COL5A2: variants seen among roughly 807,000 people sequenced by gnomAD.
The protein encoded by COL5A2 is collagen alpha-2(V) chain.
A neutral mutation model predicts 208.2 loss-of-function variants in COL5A2; 23 were observed. The ratio of observed to expected loss-of-function variants is 0.11; its 90% CI spans 0.08 to 0.16. The LOEUF (loss-of-function observed/expected upper bound fraction) is 0.16, where lower values mean the gene tolerates loss of function less well. COL5A2 is among the 10% of genes least tolerant of loss of function. COL5A2 has a pLI of 1.00. For missense variants in COL5A2, 1,590 were observed against 1,956.4 expected (o/e 0.81, Z 3.53); for synonymous variants, 625 against 628.5 (o/e 0.99, Z 0.08).
intron 2 of COL5A2, among the ~76,000 whole-genome samples, chr2:189,109,056 G>A (rs1170818678): frequency 2.0e-5 from 3 of 149,912 alleles, no homozygotes; most frequent in African/African-American, 4.9e-5. Flanking sequence ...GTGTTATCTC[G>A]TAAATTTAGC....
At chr2:189,344,220 C>T in the COL5A2 span, among the ~76,000 whole-genome samples, 1,906 of 152,266 alleles carry the variant, frequency 0.013, 34 homozygotes, top group African/African-American at 0.044. Flanking sequence ...CATGGCTAAA[C>T]TTTGCCCCAA....
chr2:189,117,272 C>A (rs192079723), intron 1 of COL5A2, among the ~76,000 whole-genome samples: 1 of 152,114 alleles, frequency 6.6e-6, no homozygotes, highest in East Asian at 1.9e-4. Flanking sequence ...TTTTTTTTCC[C>A]ACATACCTCA....
chr2:189,040,901 C>A (rs1685547291), intron 50 of COL5A2, among the ~76,000 whole-genome samples: 1 of 152,056 alleles, frequency 6.6e-6, no homozygotes, highest in Non-Finnish European at 1.5e-5. Flanking sequence ...ATTTGATCCA[C>A]ATAAGAAGTA....
intron 16 of COL5A2, 69 bp downstream of exon 16, chr2:189,078,447 A>G (rs1686459411): frequency 2.3e-6 from 3 of 1,296,178 alleles, no homozygotes; most frequent in Non-Finnish European, 3.4e-6. Flanking sequence ...AGGCAAGTTC[A>G]GTAAACCAAA....
At chr2:189,284,188 T>C in the COL5A2 span, among the ~76,000 whole-genome samples, 1 of 152,154 alleles carries the variant, frequency 6.6e-6, no homozygotes, top group Non-Finnish European at 1.5e-5. Flanking sequence ...AAAACAAAAG[T>C]GTTTTAATTC....
intron 1 of COL5A2, among the ~76,000 whole-genome samples, chr2:189,112,431 G>T (rs1687302385): frequency 6.6e-6 from 1 of 152,038 alleles, no homozygotes; most frequent in Non-Finnish European, 1.5e-5. Context: ...ACAAAAATCT[G>T]CTTTATATAA....
intron 1 of COL5A2, among the ~76,000 whole-genome samples, chr2:189,178,289 T>C (rs1185084622): frequency 6.6e-6 from 1 of 152,166 alleles, no homozygotes; most frequent in East Asian, 1.9e-4. Context: ...TTAAGCTTTT[T>C]AGAACTTCTG....
At chr2:189,399,245 T>C in the COL5A2 span, among the ~76,000 whole-genome samples, 3 of 144,854 alleles carry the variant, frequency 2.1e-5, no homozygotes, top group Non-Finnish European at 3.0e-5. Flanking sequence ...AAAATATTTA[T>C]TTTACGATTT....
chr2:189,129,399 A>T (rs1687668384), intron 1 of COL5A2, among the ~76,000 whole-genome samples: 1 of 152,066 alleles, frequency 6.6e-6, no homozygotes, highest in Non-Finnish European at 1.5e-5. Flanking sequence ...AAATGTTTGA[A>T]AACTGATTTT....
At chr2:189,350,281 A>T in the COL5A2 span, among the ~76,000 whole-genome samples, 1 of 152,182 alleles carries the variant, frequency 6.6e-6, no homozygotes, top group Non-Finnish European at 1.5e-5. Context: ...AAAGACACAG[A>T]AGTACTGGAA....
At chr2:189,155,809 T>C (rs757808143) in intron 1 of COL5A2, among the ~76,000 whole-genome samples, 2 of 152,204 alleles carry the variant, frequency 1.3e-5, no homozygotes, top group Non-Finnish European at 2.9e-5. Flanking sequence ...AAGTCTGAAA[T>C]GGGTTTCACT....
chr2:189,142,646 T>G lies in COL5A2; in HGVS notation c.98-32197A>C, dbSNP rs1044681913. Among the ~76,000 whole-genome samples the G allele has an allele frequency of 2.0e-5, 3 of 152,208 alleles. 1 individual carries two copies. The highest frequency in any genetic ancestry group is 7.2e-5 in the African/African-American group (3 of 41,462). ...TACCTTAATTAATTCCTGTTCATTC[T>G]GCTTTCAATAGGACAGACATCCTTC... On this transcript the variant is annotated intron_variant, in intron 1 of 53. Coordinates refer to ENST00000374866, the MANE Select transcript of COL5A2 (RefSeq NM_000393.5).
chr2:189,271,475 A>G, the COL5A2 span, among the ~76,000 whole-genome samples: 11 of 152,274 alleles, frequency 7.2e-5, no homozygotes, highest in East Asian at 1.7e-3. Context: ...CTGAAACTGG[A>G]CCCCTTCCTT....
At chr2:189,214,506 G>A (rs562521932) in intron 1 of COL5A2, among the ~76,000 whole-genome samples, 79 of 151,936 alleles carry the variant, frequency 5.2e-4, no homozygotes, top group African/African-American at 1.4e-3. Flanking sequence ...AAGAAATGAC[G>A]AAAAATCCTC....
the COL5A2 span, among the ~76,000 whole-genome samples, chr2:189,297,650 A>T: frequency 6.6e-6 from 1 of 152,168 alleles, no homozygotes; most frequent in African/African-American, 2.4e-5. Flanking sequence ...CCCACATAAA[A>T]CCACAACCAC....
intron 1 of COL5A2, among the ~76,000 whole-genome samples, chr2:189,211,752 A>T (rs1689215701): frequency 6.6e-6 from 1 of 152,254 alleles, no homozygotes. Flanking sequence ...GCCTGTGAAG[A>T]TGACAGATAC....
chr2:189,385,545 T>C, the COL5A2 span, among the ~76,000 whole-genome samples: 1 of 151,836 alleles, frequency 6.6e-6, no homozygotes, highest in Non-Finnish European at 1.5e-5. Context: ...ATTGCCATAC[T>C]CCACAAAGCA....
the COL5A2 span, among the ~76,000 whole-genome samples, chr2:189,304,336 A>G: frequency 6.6e-6 from 1 of 152,212 alleles, no homozygotes; most frequent in Non-Finnish European, 1.5e-5. Context: ...CATTAGTAAT[A>G]GTGATACAGA....
intron 12 of COL5A2, 90 bp downstream of exon 12, chr2:189,083,894 G>C: frequency 1.1e-6 from 1 of 942,578 alleles, no homozygotes; most frequent in Non-Finnish European, 1.7e-6. Flanking sequence ...CATTTACTTA[G>C]TGCCTGATAC....
Sources: gnomAD v4.1 joint callset for allele counts (sites outside exome capture counted in the v4.1 genomes callset) on GRCh38, gnomAD v4.1.1 for gene constraint, MANE v1.5 for transcripts, NCBI Gene and HGNC (gene_info 2026-07-23, HGNC 2026-07-21) for gene names.